Variants in CD55 observed in about 807,000 individuals in gnomAD.
CD55 encodes the protein complement decay-accelerating factor.
A neutral mutation model predicts 45.8 loss-of-function variants in CD55; 41 were observed. That is an observed-to-expected ratio of 0.90 (90% CI 0.70 to 1.16). The LOEUF is 1.16. Among genes scored for constraint, CD55 ranks in the 50% most tolerant of loss-of-function variants. The pLI, the probability that CD55 is intolerant of heterozygous loss-of-function variation, is 0.00. For missense variants in CD55, 416 were observed against 469.8 expected (o/e 0.89, Z 1.06); for synonymous variants, 181 against 181.1 (o/e 1.00, Z 0.01).
At chr1:207,326,537 A>G (rs1205876158) in intron 4 of CD55, among the ~76,000 whole-genome samples, 1 of 152,222 alleles carries the variant, frequency 6.6e-6, no homozygotes. Context: ...GCAAATAAAA[A>G]ATGTACATGT....
chr1:207,354,037 G>C, intron 9 of CD55: 1 of 1,535,260 alleles, frequency 6.5e-7, no homozygotes. Context: ...GAAGTGTCTG[G>C]GTCATCCCAC....
chr1:207,345,011 G>A (rs951827807), intron 9 of CD55, among the ~76,000 whole-genome samples: 9 of 152,050 alleles, frequency 5.9e-5, no homozygotes, highest in Admixed American at 4.6e-4. Flanking sequence ...CCACCGCACC[G>A]GGCCAGAGAA....
At chr1:207,322,935 T>G (rs1358482371) in intron 2 of CD55, among the ~76,000 whole-genome samples, 1 of 152,178 alleles carries the variant, frequency 6.6e-6, no homozygotes, top group Non-Finnish European at 1.5e-5. Context: ...AATACAACTC[T>G]GTGGTGGCAT....
chr1:207,325,691 G>T lies in CD55; in HGVS notation c.548G>T (p.Gly183Val). ...GATGTACCAGGTGGCATATTATTTGGTGCAACCATCTCCTTCTCATGTAAC... is the reference window on the plus strand; with the variant it reads ...GATGTACCAGGTGGCATATTATTTGTTGCAACCATCTCCTTCTCATGTAAC... ...QIDVPGGILF[G>V]ATISFSCNTG... Residue 183 changes from glycine (G) to valine (V), a missense_variant, in exon 4 of 10, where the codon GGT (glycine) becomes GTT (valine). Physicochemically the swap from Gly to Val is moderately radical, Grantham distance 109 (BLOSUM62 -3). Around this residue, in one of 3 missense-constraint regions of CD55, gnomAD observed 111 missense variants for 163.4 expected, o/e 0.68. Coordinates refer to ENST00000367064, the MANE Select transcript of CD55 (RefSeq NM_000574.5). 1 of 1,609,644 alleles carries T rather than the reference G, an allele frequency of 6.2e-7. No homozygotes were observed. The highest frequency in any genetic ancestry group is 8.5e-7 in the Non-Finnish European group (1 of 1,176,930).
chr1:207,336,605 AG>A, intron 6 of CD55, 87 bp from the exon 7 acceptor site: 1 of 1,451,868 alleles, frequency 6.9e-7, no homozygotes, highest in Admixed American at 2.1e-5. Flanking sequence ...GGAGAGAGAA[AG>A]GATAGCCACA....
intron 6 of CD55, among the ~76,000 whole-genome samples, chr1:207,336,165 A>G (rs1339681103): frequency 6.6e-6 from 1 of 152,158 alleles, no homozygotes; most frequent in Admixed American, 6.6e-5. Flanking sequence ...GAACTGGTGT[A>G]TGGAAAGTTG....
intron 9 of CD55, among the ~76,000 whole-genome samples, chr1:207,350,745 C>T (rs1215072488): frequency 6.6e-6 from 1 of 151,848 alleles, no homozygotes; most frequent in African/African-American, 2.4e-5. Context: ...TGTTCTCTCT[C>T]TTTATTAATC....
rs200937143 is a variant in CD55, at chr1:207,325,602, C to G, written c.479-20C>G. On this transcript the variant is annotated intron_variant, in intron 3 of 9. Transcript: ENST00000367064. ...GCCTGATAATTTAATTTTAAAAAAT[C>G]AATTTGTATTCTATTCTAGAGAAAT... The G allele has an allele frequency of 6.7e-7, 1 of 1,495,778 alleles. No individual in the cohort carries two copies. The highest frequency in any genetic ancestry group is 9.3e-7 in the Non-Finnish European group (1 of 1,076,532). 92.7% of individuals were successfully genotyped at this position (1,495,778 alleles called of 1,614,324 possible).
chr1:207,340,001 T>A (rs546408767), intron 9 of CD55, among the ~76,000 whole-genome samples: 1 of 152,304 alleles, frequency 6.6e-6, no homozygotes, highest in East Asian at 1.9e-4. Flanking sequence ...CTATGAAAAA[T>A]ATATCACACA....
At chr1:207,332,126 C>G (rs2102398335) in intron 6 of CD55, among the ~76,000 whole-genome samples, 1 of 152,146 alleles carries the variant, frequency 6.6e-6, no homozygotes, top group Non-Finnish European at 1.5e-5. Context: ...AAAGTCTCTT[C>G]TCTATCACTA....
chr1:207,348,233 A>AT (rs1655726557), intron 9 of CD55, among the ~76,000 whole-genome samples: 1 of 151,974 alleles, frequency 6.6e-6, no homozygotes, highest in Admixed American at 6.6e-5. Flanking sequence ...AACATTTGTT[A>AT]TTTTTTCACT....
chr1:207,340,476 C>A, intron 9 of CD55: 1 of 680,580 alleles, frequency 1.5e-6, no homozygotes, highest in Non-Finnish European at 2.7e-6. Context: ...AGCGATCCTT[C>A]CACTTCAGCC....
rs538342095 is a variant in CD55, at chr1:207,341,514, A to G, written c.1081+2097A>G. ...GCACTATTTATTGAAGAAGGTATCCATTTTCCAATGTATGTTCTTGGCACC... is the reference window on the plus strand; with the variant it reads ...GCACTATTTATTGAAGAAGGTATCCGTTTTCCAATGTATGTTCTTGGCACC... On this transcript the variant is annotated intron_variant, in intron 9 of 9. Coordinates refer to ENST00000367064, the MANE Select transcript of CD55 (RefSeq NM_000574.5). Among the ~76,000 whole-genome samples, 24 of 152,114 alleles carry G rather than the reference A, an allele frequency of 1.6e-4. 1 individual carries two copies. The highest frequency in any genetic ancestry group is 1.2e-3 in the South Asian group (6 of 4,820).
chr1:207,330,928 C>T (rs1020402946), intron 5 of CD55, among the ~76,000 whole-genome samples, 180 bp from the exon 6 acceptor site: 1 of 152,168 alleles, frequency 6.6e-6, no homozygotes, highest in African/African-American at 2.4e-5. Context: ...GCATTCAAAG[C>T]TCCCACATAC....
rs778218013 is a variant in CD55, at chr1:207,336,736, T to C, written c.897T>C (p.Pro299=). ...TSKVPPTVQK[P]TTVNVPTTEV... is the part of the protein sequence containing the mutation. ...AGGTCCCACCAACAGTTCAGAAACC[T>C]ACCACAGTAAATGTTCCAACTACAG... Residue 299 remains proline, a synonymous_variant, in exon 7 of 10, where the codon CCT becomes CCC. Transcript: ENST00000367064. The C allele has an allele frequency of 6.2e-7, 1 of 1,613,742 alleles. No homozygotes were observed. Among genetic ancestry groups the C allele is most frequent in the East Asian group, 2.2e-5 (1 of 44,888 alleles).
chr1:207,341,394 T>A (rs929772244), intron 9 of CD55, among the ~76,000 whole-genome samples: 4 of 152,168 alleles, frequency 2.6e-5, no homozygotes, highest in African/African-American at 9.7e-5. Flanking sequence ...ATTTTTATAG[T>A]TGTGGATCTT....
chr1:207,332,769 G>T (rs757060593), intron 6 of CD55, among the ~76,000 whole-genome samples: 2 of 152,090 alleles, frequency 1.3e-5, no homozygotes, highest in Non-Finnish European at 2.9e-5. Context: ...AATCTCAATA[G>T]ATTACCAAAA....
chr1:207,347,288 C>A, intron 9 of CD55: 1 of 445,424 alleles, frequency 2.2e-6, no homozygotes, highest in Non-Finnish European at 4.5e-6. Context: ...TAGACGGAAT[C>A]TCGCTCTGTC....
intron 9 of CD55, among the ~76,000 whole-genome samples, chr1:207,351,953 C>T (rs1350659251): frequency 1.3e-5 from 2 of 152,022 alleles, no homozygotes; most frequent in African/African-American, 2.4e-5. Context: ...AGGACATAAA[C>T]CTGAAAATTA....
Sources: gnomAD v4.1 joint callset for allele counts (sites outside exome capture counted in the v4.1 genomes callset) on GRCh38, gnomAD v4.1.1 for gene constraint, gnomAD v4.1.1 regional missense constraint, MANE v1.5 for transcripts, NCBI Gene and HGNC (gene_info 2026-07-23, HGNC 2026-07-21) for gene names.